CSNK2A2IP: variants seen among roughly 807,000 people sequenced by gnomAD.
CSNK2A2IP encodes casein kinase 2 subunit alpha' interacting protein, also known as casein kinase II subunit alpha'-interacting protein.
At chr3:88,457,565 C>A in the CSNK2A2IP span, among the ~76,000 whole-genome samples, 3 of 151,798 alleles carry the variant, frequency 2.0e-5, no homozygotes, top group Non-Finnish European at 4.4e-5. Flanking sequence ...GGCATGGTGG[C>A]AGTCTCCTGT....
At chr3:88,385,266 T>C in the CSNK2A2IP span, among the ~76,000 whole-genome samples, 6 of 151,932 alleles carry the variant, frequency 3.9e-5, no homozygotes, top group South Asian at 4.2e-4. Context: ...GCGTGTGTAG[T>C]GATATGGAAG....
At chr3:88,390,227 A>G in the CSNK2A2IP span, among the ~76,000 whole-genome samples, 5 of 152,190 alleles carry the variant, frequency 3.3e-5, no homozygotes, top group Non-Finnish European at 7.3e-5. Context: ...GAATCAAATG[A>G]GGCTGGCAAA....
the CSNK2A2IP span, among the ~76,000 whole-genome samples, chr3:88,372,923 C>G: frequency 6.6e-6 from 1 of 151,286 alleles, no homozygotes; most frequent in Admixed American, 6.6e-5. Flanking sequence ...TTTGATACAA[C>G]AGAAAGATAT....
the CSNK2A2IP span, among the ~76,000 whole-genome samples, chr3:88,373,471 GA>G: frequency 1.3e-5 from 2 of 151,118 alleles, no homozygotes; most frequent in African/African-American, 2.4e-5. Flanking sequence ...AATTTTTTGG[GA>G]TATAATAAAG....
the CSNK2A2IP span, among the ~76,000 whole-genome samples, chr3:88,372,820 T>G: frequency 1.3e-5 from 2 of 151,548 alleles, no homozygotes; most frequent in East Asian, 1.9e-4. Context: ...GGTAAGCATA[T>G]GAGAGCTGAA....
the CSNK2A2IP span, among the ~76,000 whole-genome samples, chr3:88,366,558 A>T: frequency 6.6e-6 from 1 of 152,080 alleles, no homozygotes; most frequent in Admixed American, 6.6e-5. Flanking sequence ...GTCCCCTACC[A>T]TGTTTATATT....
At chr3:88,436,891 G>A in the CSNK2A2IP span, among the ~76,000 whole-genome samples, 12,701 of 152,030 alleles carry the variant, frequency 0.084, 933 homozygotes, top group Admixed American at 0.24. Flanking sequence ...AAATTTGGGG[G>A]CAAACCTGTT....
chr3:88,380,094 C>T, the CSNK2A2IP span, among the ~76,000 whole-genome samples: 2 of 151,842 alleles, frequency 1.3e-5, no homozygotes, highest in Non-Finnish European at 1.5e-5. Flanking sequence ...AGCATACATG[C>T]TTTAAAAACT....
chr3:88,452,607 G>T, the CSNK2A2IP span, among the ~76,000 whole-genome samples: 1 of 152,048 alleles, frequency 6.6e-6, no homozygotes, highest in Non-Finnish European at 1.5e-5. Flanking sequence ...ACATTTGGTC[G>T]ACGACTCAAT....
At chr3:88,418,734 A>G in the CSNK2A2IP span, among the ~76,000 whole-genome samples, 4 of 152,238 alleles carry the variant, frequency 2.6e-5, no homozygotes, top group East Asian at 5.8e-4. Context: ...GTTTTGGTGT[A>G]TAGATTATTT....
chr3:88,434,691 G>A, the CSNK2A2IP span, among the ~76,000 whole-genome samples: 1 of 152,120 alleles, frequency 6.6e-6, no homozygotes, highest in Non-Finnish European at 1.5e-5. Flanking sequence ...CCCACCCAAT[G>A]CTACTTTAAC....
chr3:88,408,358 T>C, the CSNK2A2IP span, among the ~76,000 whole-genome samples: 4 of 152,096 alleles, frequency 2.6e-5, no homozygotes, highest in Non-Finnish European at 4.4e-5. Flanking sequence ...TGAAGTTCAG[T>C]CTCCTTGTCT....
At chr3:88,414,906 C>G in the CSNK2A2IP span, among the ~76,000 whole-genome samples, 1 of 151,604 alleles carries the variant, frequency 6.6e-6, no homozygotes, top group Non-Finnish European at 1.5e-5. Context: ...ATATGCTATT[C>G]AACAGAAAAC....
At chr3:88,358,401 G>A in the CSNK2A2IP span, among the ~76,000 whole-genome samples, 2 of 152,076 alleles carry the variant, frequency 1.3e-5, no homozygotes, top group African/African-American at 4.8e-5. Context: ...AGGCATCCTT[G>A]CCTTGTTCCG....
chr3:88,411,357 C>T, the CSNK2A2IP span, among the ~76,000 whole-genome samples: 1 of 126,504 alleles, frequency 7.9e-6, no homozygotes, highest in African/African-American at 3.2e-5. Flanking sequence ...TATCATCTAT[C>T]TATCTATCTA....
chr3:88,467,347 T>C, the CSNK2A2IP span: 2 of 397,970 alleles, frequency 5.0e-6, no homozygotes, highest in Non-Finnish European at 8.9e-6. Flanking sequence ...CCTCACTCTC[T>C]CACGTCCTGT....
At chr3:88,381,186 A>G in the CSNK2A2IP span, among the ~76,000 whole-genome samples, 1 of 152,202 alleles carries the variant, frequency 6.6e-6, no homozygotes, top group Non-Finnish European at 1.5e-5. Context: ...GTTCATGAAG[A>G]TTACCACTCT....
chr3:88,424,573 G>T, the CSNK2A2IP span, among the ~76,000 whole-genome samples: 1 of 152,064 alleles, frequency 6.6e-6, no homozygotes, highest in Non-Finnish European at 1.5e-5. Context: ...CACAATTACT[G>T]CAAACTGTGC....
chr3:88,409,530 A>G, the CSNK2A2IP span, among the ~76,000 whole-genome samples: 1 of 150,342 alleles, frequency 6.7e-6, no homozygotes, highest in Non-Finnish European at 1.5e-5. Flanking sequence ...ATTTTGCTGT[A>G]AATAGAATAT....
Sources: gnomAD v4.1 joint callset for allele counts (sites outside exome capture counted in the v4.1 genomes callset) on GRCh38, gnomAD v4.1.1 for gene constraint, MANE v1.5 for transcripts, NCBI Gene and HGNC (gene_info 2026-07-23, HGNC 2026-07-21) for gene names.